The following LRBA variants were observed in gnomAD, a reference collection of about 807,000 sequenced individuals.
LRBA encodes LPS responsive beige-like anchor protein.
Under a neutral mutation model 330.0 loss-of-function variants are expected in LRBA, and 176 were observed. The ratio of observed to expected loss-of-function variants is 0.53; its 90% CI spans 0.47 to 0.60. LRBA has a LOEUF of 0.60. Ranked by LOEUF, LRBA falls within the 20% of genes least tolerant of loss-of-function variation. LRBA has a pLI of 0.00. For missense variants in LRBA, 3,259 were observed against 3,444.8 expected (o/e 0.95, Z 1.35); for synonymous variants, 1,230 against 1,193.0 (o/e 1.03, Z -0.64).
chr4:150,361,429 A>G (rs1738678315), intron 47 of LRBA, among the ~76,000 whole-genome samples: 1 of 152,120 alleles, frequency 6.6e-6, no homozygotes, highest in Non-Finnish European at 1.5e-5. Flanking sequence ...TTACAGGCAC[A>G]CCACTGAAAA....
At chr4:150,685,579 G>A (rs989809044) in intron 36 of LRBA, among the ~76,000 whole-genome samples, 8 of 149,468 alleles carry the variant, frequency 5.4e-5, no homozygotes, top group African/African-American at 1.2e-4. Context: ...GACTACAGGT[G>A]CACGCCACCA....
chr4:150,495,490 C>A (rs947674905), intron 40 of LRBA, among the ~76,000 whole-genome samples: 1 of 152,042 alleles, frequency 6.6e-6, no homozygotes, highest in African/African-American at 2.4e-5. Flanking sequence ...TAAAATTCCA[C>A]AATTAGGGTC....
chr4:150,425,689 C>T (rs1476261653), intron 46 of LRBA, among the ~76,000 whole-genome samples: 1 of 152,140 alleles, frequency 6.6e-6, no homozygotes, highest in African/African-American at 2.4e-5. Context: ...GAACTAAACC[C>T]ACCACTTCAA....
At position 150,302,637 on chromosome 4, in the gene LRBA, C is replaced by T; in HGVS notation, c.8005G>A (p.Asp2669Asn). The T allele has an allele frequency of 1.9e-6, 3 of 1,608,838 alleles. No individual in the cohort carries two copies. In the South Asian group the frequency reaches 3.3e-5, roughly 18 times the overall value. The change falls in exon 53 of 57, where the codon GAT becomes AAT. Residue 2669 changes from aspartate (D) to asparagine (N), a missense_variant. Physicochemically the swap from Asp to Asn is conservative, Grantham distance 23. Coordinates refer to ENST00000651943, the MANE Select transcript of LRBA (RefSeq NM_001364905.1). The part of the protein sequence containing the change: ...YWNGKCSGIG[D>N]NPGSETAAPR... ...GAGTCATACTTACTGCCTGGGTTAT[C>T]TCCAATCCCACTGCATTTTCCATTC... is the stretch of plus-strand genomic sequence containing the variant.
At chr4:150,315,759 A>C (rs1178639183) in intron 50 of LRBA, 136 bp from the exon 51 acceptor site, 1 of 610,454 alleles carries the variant, frequency 1.6e-6, no homozygotes, top group South Asian at 2.2e-5. Context: ...AATTTAAAGA[A>C]CAAAAATCCA....
chr4:150,918,592 A>G (rs1035886834), intron 5 of LRBA, among the ~76,000 whole-genome samples: 50 of 152,142 alleles, frequency 3.3e-4, no homozygotes, highest in African/African-American at 1.2e-3. Context: ...CTACTAAAAA[A>G]TACAAAAGTT....
At chr4:150,423,199 G>T in intron 46 of LRBA, 1 of 1,385,440 alleles carries the variant, frequency 7.2e-7, no homozygotes, top group Non-Finnish European at 1.0e-6. Flanking sequence ...GGCTTTCTTG[G>T]CTCTGGAGAA....
rs765794751 is a variant in LRBA, at chr4:150,325,791, AG to A, written c.7452+17del. ...TGAAGGAGAGGCAAGAAATGAGGAG[AG>A]TAAAAATAGCACTTACCACTTGCAT... On this transcript the variant is annotated intron_variant, in intron 49 of 56. Transcript: ENST00000651943. 2.2e-5 allele frequency: 33 copies of A among 1,533,382 alleles called. No individual in the cohort carries two copies. Among genetic ancestry groups the A allele is most frequent in the Non-Finnish European group, 2.9e-5 (32 of 1,106,618 alleles). The allele number at this position is 1,533,382 out of a possible 1,614,324, so 95.0% of individuals were successfully genotyped here. A position where few individuals can be genotyped will look rare whatever the true frequency, so the allele number is the denominator to read the frequency against.
intron 37 of LRBA, among the ~76,000 whole-genome samples, chr4:150,620,886 A>G (rs1056994810): frequency 1.3e-5 from 2 of 152,180 alleles, no homozygotes; most frequent in Non-Finnish European, 2.9e-5. Flanking sequence ...CTAGTGCACT[A>G]AAATCTCAGA....
intron 32 of LRBA, among the ~76,000 whole-genome samples, chr4:150,807,715 G>A (rs1743013126): frequency 6.6e-6 from 1 of 151,970 alleles, no homozygotes; most frequent in South Asian, 2.1e-4. Context: ...GTGCGATCTC[G>A]GCTCACTGCA....
chr4:150,343,385 TTTA>T (rs1735852375), intron 48 of LRBA, among the ~76,000 whole-genome samples: 1 of 152,194 alleles, frequency 6.6e-6, no homozygotes, highest in Non-Finnish European at 1.5e-5. Context: ...GTCTTTAAAT[TTTA>T]TTTTCTGTGT....
chr4:150,300,406 G>T (rs1272744699), intron 53 of LRBA, among the ~76,000 whole-genome samples: 1 of 151,908 alleles, frequency 6.6e-6, no homozygotes, highest in East Asian at 1.9e-4. Flanking sequence ...CCACCATACT[G>T]CAGACAATGA....
At chr4:150,998,284 C>T (rs1414600541) in intron 2 of LRBA, among the ~76,000 whole-genome samples, 4 of 148,076 alleles carry the variant, frequency 2.7e-5, no homozygotes, top group Non-Finnish European at 5.9e-5. Context: ...ACCCAGGGGG[C>T]GGAGGTTGCA....
chr4:150,410,239 G>C (rs966386356), intron 47 of LRBA, among the ~76,000 whole-genome samples: 9 of 152,026 alleles, frequency 5.9e-5, no homozygotes, highest in Non-Finnish European at 1.2e-4. Context: ...AATTATACAA[G>C]ATTGACCTAA....
chr4:150,870,222 T>C (rs963608163), intron 20 of LRBA, among the ~76,000 whole-genome samples: 4 of 152,236 alleles, frequency 2.6e-5, no homozygotes, highest in Non-Finnish European at 5.9e-5. Flanking sequence ...ATGGTTCTTG[T>C]AATTCTGCCT....
intron 28 of LRBA, among the ~76,000 whole-genome samples, chr4:150,837,938 C>G (rs1182976490): frequency 6.6e-6 from 1 of 152,112 alleles, no homozygotes; most frequent in Non-Finnish European, 1.5e-5. Flanking sequence ...ACTGGTTGTT[C>G]CTTTCCATGT....
intron 48 of LRBA, among the ~76,000 whole-genome samples, chr4:150,348,375 A>G (rs181289537): frequency 1.2e-4 from 18 of 152,318 alleles, no homozygotes; most frequent in African/African-American, 4.1e-4. Flanking sequence ...ACATACCAAG[A>G]GACAAGTCTT....
intron 48 of LRBA, among the ~76,000 whole-genome samples, chr4:150,335,043 T>C (rs1226120931): frequency 6.6e-6 from 1 of 152,048 alleles, no homozygotes; most frequent in Non-Finnish European, 1.5e-5. Flanking sequence ...TTGTCCAGGC[T>C]GGTCTCAAAC....
chr4:150,328,117 T>C (rs896326109), intron 48 of LRBA, among the ~76,000 whole-genome samples: 4 of 152,006 alleles, frequency 2.6e-5, no homozygotes, highest in Admixed American at 2.6e-4. Flanking sequence ...ATAAAGAAAA[T>C]ACAAAACTAA....
Sources: gnomAD v4.1 joint callset for allele counts (sites outside exome capture counted in the v4.1 genomes callset) on GRCh38, gnomAD v4.1.1 for gene constraint, MANE v1.5 for transcripts, NCBI Gene and HGNC (gene_info 2026-07-23, HGNC 2026-07-21) for gene names.